The following SLC8A1 variants were observed in gnomAD, a reference collection of about 807,000 sequenced individuals.
SLC8A1 encodes sodium/calcium exchanger 1.
Under a neutral mutation model 68.3 loss-of-function variants are expected in SLC8A1, and 18 were observed. That is an observed-to-expected ratio of 0.26 (90% confidence interval 0.18 to 0.39). SLC8A1 has a LOEUF of 0.39. SLC8A1 is among the 10% of genes least tolerant of loss of function. The probability of loss-of-function intolerance (pLI) is 1.00; values close to 1 mark genes in which losing one functional copy is unlikely to be tolerated. For missense variants in SLC8A1, 985 were observed against 1,156.7 expected (o/e 0.85, Z 2.15); for synonymous variants, 475 against 415.5 (o/e 1.14, Z -1.74).
chr2:40,143,710 G>C (rs2041976313), intron 6 of SLC8A1, among the ~76,000 whole-genome samples: 1 of 152,156 alleles, frequency 6.6e-6, no homozygotes, highest in South Asian at 2.1e-4. Flanking sequence ...GGAAACATGA[G>C]AGCAAGAGCA....
intron 2 of SLC8A1, among the ~76,000 whole-genome samples, chr2:40,226,309 C>T (rs2058970123): frequency 6.6e-6 from 1 of 152,134 alleles, no homozygotes; most frequent in Non-Finnish European, 1.5e-5. Context: ...TCAAGAGAGG[C>T]TGGAGGTTTG....
At chr2:40,314,118 G>A (rs929267714) in intron 2 of SLC8A1, among the ~76,000 whole-genome samples, 5 of 151,466 alleles carry the variant, frequency 3.3e-5, no homozygotes, top group African/African-American at 1.2e-4. Flanking sequence ...ACCGTTTTTT[G>A]AAAAAAATAT....
intron 2 of SLC8A1, among the ~76,000 whole-genome samples, chr2:40,178,732 G>A (rs1441959068): frequency 7.2e-5 from 11 of 152,152 alleles, no homozygotes; most frequent in Admixed American, 7.2e-4. Flanking sequence ...GCAAAATATA[G>A]CATTCAGTAT....
intron 2 of SLC8A1, among the ~76,000 whole-genome samples, chr2:40,392,308 A>G (rs1440606895): frequency 2.0e-5 from 3 of 152,102 alleles, no homozygotes; most frequent in Non-Finnish European, 2.9e-5. Context: ...TCACATTTAA[A>G]TAAGAGTAAA....
chr2:40,117,188 G>T (rs968917207), intron 7 of SLC8A1, among the ~76,000 whole-genome samples: 1 of 151,994 alleles, frequency 6.6e-6, no homozygotes. Context: ...ATAGCTTCCT[G>T]TATTAAGCAT....
At chr2:40,448,629 A>C (rs1701877468) in intron 1 of SLC8A1, among the ~76,000 whole-genome samples, 1 of 152,228 alleles carries the variant, frequency 6.6e-6, no homozygotes, top group South Asian at 2.1e-4. Context: ...AAGTGATGTC[A>C]GATAGGATTC....
At chr2:40,306,455 G>C (rs551872357) in intron 2 of SLC8A1, among the ~76,000 whole-genome samples, 3 of 147,438 alleles carry the variant, frequency 2.0e-5, no homozygotes, top group African/African-American at 5.2e-5. Flanking sequence ...ATGGTTGTGG[G>C]GGGGGGCATA....
intron 1 of SLC8A1, among the ~76,000 whole-genome samples, chr2:40,479,359 T>C (rs1476702584): frequency 6.6e-6 from 1 of 152,232 alleles, no homozygotes; most frequent in African/African-American, 2.4e-5. Flanking sequence ...ATAGTCACAG[T>C]TAATTAATTG....
At chr2:40,365,898 C>G (rs1005760989) in intron 2 of SLC8A1, among the ~76,000 whole-genome samples, 4 of 151,462 alleles carry the variant, frequency 2.6e-5, no homozygotes, top group Non-Finnish European at 4.4e-5. Flanking sequence ...ACTAGGGAGG[C>G]TGAGGCAGGA....
chr2:40,166,420 TA>T (rs1297331799), intron 4 of SLC8A1, among the ~76,000 whole-genome samples: 3 of 152,240 alleles, frequency 2.0e-5, no homozygotes, highest in Non-Finnish European at 4.4e-5. Flanking sequence ...AAGCCCATTT[TA>T]AAATCTGCTT....
chr2:40,447,793 T>C (rs1701727357), intron 1 of SLC8A1, among the ~76,000 whole-genome samples: 1 of 152,202 alleles, frequency 6.6e-6, no homozygotes, highest in African/African-American at 2.4e-5. Flanking sequence ...TTGCCCACCC[T>C]CAAATCACTG....
At chr2:40,382,008 A>T (rs1294331097) in intron 2 of SLC8A1, among the ~76,000 whole-genome samples, 2 of 152,038 alleles carry the variant, frequency 1.3e-5, no homozygotes, top group African/African-American at 4.8e-5. Flanking sequence ...AGCACCCAAT[A>T]AAGCCTTCTT....
intron 2 of SLC8A1, among the ~76,000 whole-genome samples, chr2:40,252,945 A>G: frequency 7.2e-6 from 1 of 138,658 alleles, no homozygotes; most frequent in East Asian, 2.0e-4. Flanking sequence ...GTATGTACAT[A>G]TATACATATG....
chr2:40,304,336 C>T (rs999932950), intron 2 of SLC8A1, among the ~76,000 whole-genome samples: 1 of 152,154 alleles, frequency 6.6e-6, no homozygotes, highest in African/African-American at 2.4e-5. Context: ...TATCCAGATT[C>T]CAGACACATC....
chr2:40,314,015 G>T (rs1341307045), intron 2 of SLC8A1, among the ~76,000 whole-genome samples: 10 of 152,076 alleles, frequency 6.6e-5, no homozygotes, highest in South Asian at 4.1e-4. Context: ...AGAGTAAAAG[G>T]TTTAAATGTT....
chr2:40,258,675 C>G (rs1475949281), intron 2 of SLC8A1, among the ~76,000 whole-genome samples: 1 of 152,028 alleles, frequency 6.6e-6, no homozygotes, highest in Non-Finnish European at 1.5e-5. Context: ...ACCCCCGTCT[C>G]TACTAAAAAT....
At chr2:40,251,826 C>G (rs931042566) in intron 2 of SLC8A1, 2 of 152,106 alleles carry the variant, frequency 1.3e-5, no homozygotes, top group African/African-American at 4.8e-5. Flanking sequence ...TTGGTCTAAT[C>G]CAACCATATA....
intron 1 of SLC8A1, among the ~76,000 whole-genome samples, chr2:40,472,318 G>A (rs766130162): frequency 2.0e-5 from 3 of 152,142 alleles, no homozygotes; most frequent in Non-Finnish European, 4.4e-5. Flanking sequence ...AGATGGAAAT[G>A]AAACATTCCA....
At chr2:40,127,234 GC>G (rs1456786324) in intron 7 of SLC8A1, among the ~76,000 whole-genome samples, 1 of 152,158 alleles carries the variant, frequency 6.6e-6, no homozygotes, top group Non-Finnish European at 1.5e-5. Context: ...AGATGAGAGA[GC>G]TTAATCTTTA....
Sources: allele counts gnomAD v4.1 joint callset (sites outside exome capture counted in the v4.1 genomes callset), GRCh38; gene constraint gnomAD v4.1.1; transcripts MANE v1.5; gene names NCBI Gene and HGNC (gene_info 2026-07-23, HGNC 2026-07-21).